Variants in SEPTIN10 observed in about 807,000 individuals in gnomAD.
SEPTIN10 encodes the protein septin 10.
Under a neutral mutation model 54.8 loss-of-function variants are expected in SEPTIN10, and 66 were observed. The observed-to-expected ratio is 1.21, with a 90% CI of 0.99 to 1.48. The LOEUF is 1.48. Among genes scored for constraint, SEPTIN10 ranks in the 40% most tolerant of loss-of-function variants. The pLI, the probability that SEPTIN10 is intolerant of heterozygous loss-of-function variation, is 0.00. For synonymous variants in SEPTIN10, 161 were observed against 181.0 expected (o/e 0.89, Z 0.89); for missense variants, 620 against 545.6 (o/e 1.14, Z -1.36).
In SEPTIN10 at chr2:109,613,653, A is replaced by G. The variant is rs1001520481; in HGVS notation, c.30+145T>C. 4.6e-5 allele frequency: 24 copies of G among 519,594 alleles called. No individual in the cohort carries two copies. The African/African-American group carries it at 4.8e-4, about 10-fold the overall frequency. 32.2% of individuals were successfully genotyped at this position (519,594 alleles called of 1,614,324 possible). On this transcript the variant is annotated intron_variant, in intron 1 of 10. Coordinates refer to ENST00000397712, the MANE Select transcript of SEPTIN10 (RefSeq NM_144710.5). ...CGCCCCAGGCGCCCGGCCGCCGCGG[A>G]AGCCGGGGAGCACTGGGCGGGCGGG... is the stretch of plus-strand genomic sequence containing the variant.
intron 1 of SEPTIN10, among the ~76,000 whole-genome samples, chr2:109,603,370 G>T (rs1697098594): frequency 6.6e-6 from 1 of 152,022 alleles, no homozygotes; most frequent in Non-Finnish European, 1.5e-5. Flanking sequence ...CAGCAGCTGG[G>T]ACTACAGGCA....
At chr2:109,585,408 C>A in intron 3 of SEPTIN10, 87 bp from the exon 4 acceptor site, 1 of 1,158,364 alleles carries the variant, frequency 8.6e-7, no homozygotes, top group Non-Finnish European at 1.2e-6. Context: ...TTTCAAAGAT[C>A]CCAAATATTT....
chr2:109,555,024 G>A (rs549812195), intron 8 of SEPTIN10, among the ~76,000 whole-genome samples: 8 of 152,156 alleles, frequency 5.3e-5, no homozygotes, highest in East Asian at 3.9e-4. Context: ...GATTACAGCC[G>A]AACCTGATCT....
Position 109,585,813 on chromosome 2 carries a change from G to T in SEPTIN10, c.125C>A (p.Thr42Asn). 6.2e-7 allele frequency: 1 copy of T among 1,613,396 alleles called. No individual in the cohort carries two copies. Among genetic ancestry groups the T allele is most frequent in the South Asian group, 1.1e-5 (1 of 91,062 alleles). ...CTCAAAACCAACATGGCCAGACATA[G>T]TCAACGAACGAATGTTTTCTCTTTT... Reference protein sequence around the residue: ...QIKRENIRSLTMSGHVGFESL... With the variant: ...QIKRENIRSLNMSGHVGFESL... The change falls in exon 3 of 11, where the codon ACT becomes AAT. Residue 42 changes from threonine to asparagine, a missense_variant. Physicochemically the swap from Thr to Asn is moderately conservative, Grantham distance 65. Transcript: ENST00000397712.
In SEPTIN10 at chr2:109,574,769, T is replaced by C. The variant is rs748121083; in HGVS notation, c.414-2A>G. The C allele has an allele frequency of 1.9e-6, 3 of 1,562,268 alleles. No homozygotes were observed. The highest frequency in any genetic ancestry group is 8.6e-7 in the Non-Finnish European group (1 of 1,156,760). ...ATGTAGTCAACTATTGGTTGGTAGC[T>C]GAAAAATTATTTAAATGTTTAATAC... On this transcript the variant is annotated splice_acceptor_variant, in intron 4 of 10. Coordinates refer to ENST00000397712, the MANE Select transcript of SEPTIN10 (RefSeq NM_144710.5). LOFTEE classifies it high-confidence loss of function.
intron 1 of SEPTIN10, 134 bp downstream of exon 1, chr2:109,613,664 C>A: frequency 1.8e-6 from 1 of 563,936 alleles, no homozygotes; most frequent in African/African-American, 2.0e-5. Flanking sequence ...AGCCGGGGAG[C>A]ACTGGGCGGG....
At chr2:109,571,055 G>A (rs1002622126) in intron 5 of SEPTIN10, among the ~76,000 whole-genome samples, 3 of 152,018 alleles carry the variant, frequency 2.0e-5, no homozygotes, top group Admixed American at 1.3e-4. Context: ...GAGTTCTCAC[G>A]AGATCTGGTT....
At chr2:109,601,850 T>G (rs1696663816) in intron 1 of SEPTIN10, among the ~76,000 whole-genome samples, 3 of 152,080 alleles carry the variant, frequency 2.0e-5, no homozygotes, top group East Asian at 1.9e-4. Flanking sequence ...TTTCTAGCAC[T>G]GTATGAGTCA....
At chr2:109,580,278 A>T (rs901727235) in intron 4 of SEPTIN10, among the ~76,000 whole-genome samples, 1 of 151,882 alleles carries the variant, frequency 6.6e-6, no homozygotes, top group African/African-American at 2.4e-5. Context: ...ATTTGCCAAT[A>T]AAAAAATCAG....
intron 4 of SEPTIN10, among the ~76,000 whole-genome samples, chr2:109,575,833 G>A (rs1185155287): frequency 6.6e-6 from 1 of 152,152 alleles, no homozygotes; most frequent in East Asian, 1.9e-4. Flanking sequence ...CTTCTATAAA[G>A]TTGCCCGACC....
intron 1 of SEPTIN10, among the ~76,000 whole-genome samples, chr2:109,598,631 T>A (rs752301183): frequency 1.8e-4 from 27 of 151,738 alleles, no homozygotes; most frequent in Non-Finnish European, 3.1e-4. Flanking sequence ...TCACTTGAGG[T>A]CAGGAGGTCA....
intron 8 of SEPTIN10, among the ~76,000 whole-genome samples, chr2:109,560,007 G>A (rs1221277245): frequency 7.0e-6 from 1 of 143,240 alleles, no homozygotes; most frequent in African/African-American, 2.6e-5. Context: ...CGCAAGCTCT[G>A]CCTCCTAGGT....
chr2:109,559,931 T>TTG (rs1685250176), intron 8 of SEPTIN10, among the ~76,000 whole-genome samples: 1 of 148,210 alleles, frequency 6.7e-6, no homozygotes, highest in African/African-American at 2.5e-5. Context: ...TTTTTTTTTT[T>TTG]GTCTTTTAAG....
At chr2:109,575,767 A>G (rs1012557137) in intron 4 of SEPTIN10, among the ~76,000 whole-genome samples, 3 of 151,026 alleles carry the variant, frequency 2.0e-5, no homozygotes, top group African/African-American at 7.4e-5. Context: ...TAGCCCTATA[A>G]TGAACCAGTA....
At chr2:109,595,842 G>T (rs956625057) in intron 1 of SEPTIN10, among the ~76,000 whole-genome samples, 2 of 152,154 alleles carry the variant, frequency 1.3e-5, no homozygotes, top group East Asian at 1.9e-4. Flanking sequence ...CTGGCTAGGG[G>T]CCCTGGTCAG....
chr2:109,588,459 G>A (rs181645344), intron 2 of SEPTIN10, among the ~76,000 whole-genome samples: 2 of 152,176 alleles, frequency 1.3e-5, no homozygotes, highest in African/African-American at 2.4e-5. Flanking sequence ...AAGGAATATT[G>A]TTATAAGGTT....
intron 4 of SEPTIN10, among the ~76,000 whole-genome samples, chr2:109,580,190 A>C (rs1232560202): frequency 6.6e-6 from 1 of 152,010 alleles, no homozygotes; most frequent in African/African-American, 2.4e-5. Flanking sequence ...GCAAAAAAAA[A>C]CTAAAAGAAA....
intron 5 of SEPTIN10, among the ~76,000 whole-genome samples, chr2:109,570,881 G>A (rs770863027): frequency 6.6e-6 from 1 of 152,176 alleles, no homozygotes; most frequent in Non-Finnish European, 1.5e-5. Context: ...AAGGATACAA[G>A]TAGGTTATAT....
intron 2 of SEPTIN10, among the ~76,000 whole-genome samples, 164 bp downstream of exon 2, chr2:109,592,887 A>G (rs1436848051): frequency 6.6e-6 from 1 of 152,200 alleles, no homozygotes; most frequent in Non-Finnish European, 1.5e-5. Context: ...TATTCAATCC[A>G]TCATCGACTT....
Sources: gnomAD v4.1 joint callset for allele counts (sites outside exome capture counted in the v4.1 genomes callset) on GRCh38, gnomAD v4.1.1 for gene constraint, MANE v1.5 for transcripts, NCBI Gene and HGNC (gene_info 2026-07-23, HGNC 2026-07-21) for gene names.